The following USP48 variants were observed in gnomAD, a reference collection of about 807,000 sequenced individuals.
The protein encoded by USP48 is ubiquitin specific peptidase 48.
A neutral mutation model predicts 150.7 loss-of-function variants in USP48; 43 were observed. The ratio of observed to expected loss-of-function variants is 0.29; its 90% CI spans 0.22 to 0.37. The LOEUF is 0.37. Among genes scored for constraint, USP48 ranks in the 10% least tolerant of loss-of-function variants. USP48 has a pLI of 1.00. For synonymous variants in USP48, 396 were observed against 425.9 expected (o/e 0.93, Z 0.86); for missense variants, 813 against 1,249.6 (o/e 0.65, Z 5.27).
chr1:21,770,311 G>A (rs925134907), intron 1 of USP48, among the ~76,000 whole-genome samples: 1 of 151,884 alleles, frequency 6.6e-6, no homozygotes, highest in African/African-American at 2.4e-5. Flanking sequence ...AAAATAATCT[G>A]CTCAATTCAA....
chr1:21,735,014 G>T (rs1300005411), intron 9 of USP48, among the ~76,000 whole-genome samples: 1 of 152,190 alleles, frequency 6.6e-6, no homozygotes, highest in East Asian at 1.9e-4. Context: ...CAGAAGCACT[G>T]CTCAAGGATT....
intron 1 of USP48, among the ~76,000 whole-genome samples, chr1:21,761,949 A>C (rs1053803738): frequency 6.6e-6 from 1 of 152,170 alleles, no homozygotes; most frequent in Non-Finnish European, 1.5e-5. Context: ...TCTAATGGGA[A>C]AGGTCTACTA....
intron 22 of USP48, 127 bp downstream of exon 22, chr1:21,701,371 A>C: frequency 1.5e-6 from 1 of 683,306 alleles, no homozygotes; most frequent in Non-Finnish European, 2.4e-6. Context: ...ATCTCAAAAA[A>C]AAAAAAAAAA....
At chr1:21,706,653 AC>A in intron 16 of USP48, 64 bp from the exon 17 acceptor site, 1 of 1,612,224 alleles carries the variant, frequency 6.2e-7, no homozygotes, top group Non-Finnish European at 8.5e-7. Flanking sequence ...TCCTCCCTAC[AC>A]CCCCGTCAGA....
intron 11 of USP48, chr1:21,724,374 T>C: frequency 3.4e-6 from 2 of 583,004 alleles, no homozygotes; most frequent in South Asian, 2.2e-5. Context: ...GGCATCCACA[T>C]AGAGTCTTGC....
chr1:21,693,570 T>C (rs571108750), intron 23 of USP48, among the ~76,000 whole-genome samples: 57 of 152,322 alleles, frequency 3.7e-4, no homozygotes, highest in Middle Eastern at 3.4e-3. Context: ...TGCTCTCAGA[T>C]GGAAGGGTTA....
At chr1:21,712,338 G>A (rs764899687) in intron 15 of USP48, among the ~76,000 whole-genome samples, 1 of 152,040 alleles carries the variant, frequency 6.6e-6, no homozygotes, top group Admixed American at 6.6e-5. Flanking sequence ...CAGCCTGGGC[G>A]ACACAGTGAG....
chr1:21,718,365 G>A (rs2097710523), intron 14 of USP48, among the ~76,000 whole-genome samples: 1 of 152,168 alleles, frequency 6.6e-6, no homozygotes, highest in African/African-American at 2.4e-5. Context: ...TGGTGGGAAG[G>A]CTTTGAAGTT....
intron 1 of USP48, among the ~76,000 whole-genome samples, chr1:21,778,120 G>T (rs950218714): frequency 1.3e-5 from 2 of 151,394 alleles, no homozygotes; most frequent in African/African-American, 2.4e-5. Context: ...TCCAGCCTGG[G>T]TGACAGAGTG....
chr1:21,721,258 CA>C, intron 13 of USP48, 92 bp from the exon 14 acceptor site: 1 of 1,505,866 alleles, frequency 6.6e-7, no homozygotes, highest in African/African-American at 1.4e-5. Flanking sequence ...AAGTGAATTA[CA>C]AACACTCAAC....
In USP48 at chr1:21,762,014, C is replaced by T. The variant is rs1572012694; in HGVS notation, c.135-4231G>A. Among the ~76,000 whole-genome samples, 6 of 7,650 alleles carry T rather than the reference C, an allele frequency of 7.8e-4. No homozygotes were observed. In the South Asian group the frequency reaches 0.016, roughly 21 times the overall value. 5.0% of individuals were successfully genotyped at this position (7,650 alleles called of 152,430 possible). ...GGTGCAGTGGCTCCTGCCTGTAATC[C>T]CCAGCACTTTGGGAGACTGAGGTGG... On this transcript the variant is annotated intron_variant, in intron 1 of 26. Transcript: ENST00000308271.
At chr1:21,682,862 G>C (rs1373524685) in intron 25 of USP48, among the ~76,000 whole-genome samples, 1 of 149,296 alleles carries the variant, frequency 6.7e-6, no homozygotes, top group Non-Finnish European at 1.5e-5. Flanking sequence ...GCAACTGTGA[G>C]ACTCCATCTC....
chr1:21,754,521 C>T (rs923358062), intron 3 of USP48, among the ~76,000 whole-genome samples: 33 of 152,128 alleles, frequency 2.2e-4, no homozygotes, highest in African/African-American at 7.5e-4. Flanking sequence ...CCAAATCTAC[C>T]CTTCTTTGCC....
At position 21,783,108 on chromosome 1, in the gene USP48, T is replaced by TGCC. The variant is rs1410770452; in HGVS notation, c.-154_-152dup. ...CCAGTCAATCACCTGTGCGCGCCACTGCCGCCGCGCCCGCCCGCGCCCGAC... is the reference window on the plus strand; with the variant it reads ...CCAGTCAATCACCTGTGCGCGCCACTGCCGCCGCCGCGCCCGCCCGCGCCCGAC... On this transcript the variant is annotated 5_prime_UTR_variant, in exon 1 of 27. Coordinates refer to ENST00000308271, the MANE Select transcript of USP48 (RefSeq NM_032236.8). 8.4e-7 allele frequency: 1 copy of TGCC among 1,189,176 alleles called. No homozygotes were observed. The highest frequency in any genetic ancestry group is 1.6e-5 in the African/African-American group (1 of 61,950). 73.7% of individuals were successfully genotyped at this position (1,189,176 alleles called of 1,614,324 possible). A position where few individuals can be genotyped will look rare whatever the true frequency, so the allele number is the denominator to read the frequency against.
chr1:21,738,127 G>A lies in USP48; in HGVS notation c.992-1502C>T, dbSNP rs963633904. The stretch of plus-strand genomic sequence containing the variant: ...GGCTGGAGTGCAATGGCGTGATCTC[G>A]GCTCACTGCAACCTCTGCTTCCTGG... On this transcript the variant is annotated intron_variant, in intron 8 of 26. Coordinates refer to ENST00000308271, the MANE Select transcript of USP48 (RefSeq NM_032236.8). Among the ~76,000 whole-genome samples the A allele has an allele frequency of 5.3e-5, 8 of 151,892 alleles. No homozygotes were observed. The East Asian group carries it at 9.7e-4, about 18-fold the overall frequency.
chr1:21,780,860 G>A (rs1298036798), intron 1 of USP48, among the ~76,000 whole-genome samples: 1 of 147,092 alleles, frequency 6.8e-6, no homozygotes, highest in Non-Finnish European at 1.5e-5. Context: ...TCCTGCCTCA[G>A]CCACCCCAGT....
At chr1:21,705,021 G>T (rs80245516) in intron 19 of USP48, among the ~76,000 whole-genome samples, 9,734 of 152,170 alleles carry the variant, frequency 0.064, 408 homozygotes, top group Non-Finnish European at 0.093. Context: ...GCGGGATGCA[G>T]AGAGGGAGGG....
At chr1:21,762,355 T>C (rs1006970497) in intron 1 of USP48, among the ~76,000 whole-genome samples, 1 of 151,818 alleles carries the variant, frequency 6.6e-6, no homozygotes, top group African/African-American at 2.4e-5. Context: ...AAGGATATAC[T>C]AGGAAGGTTC....
intron 25 of USP48, chr1:21,681,078 A>G: frequency 2.6e-6 from 1 of 378,594 alleles, no homozygotes; most frequent in Non-Finnish European, 4.8e-6. Context: ...GTTTGTAACT[A>G]GGGCACACCT....
Sources: allele counts gnomAD v4.1 joint callset (sites outside exome capture counted in the v4.1 genomes callset), GRCh38; gene constraint gnomAD v4.1.1; transcripts MANE v1.5; gene names NCBI Gene and HGNC (gene_info 2026-07-23, HGNC 2026-07-21).